ABCD3: variants seen among roughly 807,000 people sequenced by gnomAD.
The protein encoded by ABCD3 is ATP-binding cassette sub-family D member 3.
In ABCD3, 41 loss-of-function variants were observed where a neutral mutation model predicts 105.5. That is an observed-to-expected ratio of 0.39 (90% CI 0.30 to 0.50). The LOEUF (loss-of-function observed/expected upper bound fraction) is 0.50, where lower values mean the gene tolerates loss of function less well. ABCD3 is among the 20% of genes least tolerant of loss of function. The pLI, the probability that ABCD3 is intolerant of heterozygous loss-of-function variation, is 0.84. For synonymous variants in ABCD3, 258 were observed against 269.0 expected (o/e 0.96, Z 0.40); for missense variants, 622 against 806.3 (o/e 0.77, Z 2.77).
At chr1:94,439,038 A>G (rs1453877799) in intron 1 of ABCD3, among the ~76,000 whole-genome samples, 1 of 152,178 alleles carries the variant, frequency 6.6e-6, no homozygotes, top group African/African-American at 2.4e-5. Flanking sequence ...TTTTTAGGTC[A>G]CTGGCTTTAT....
chr1:94,466,114 C>T (rs370729593), intron 3 of ABCD3, among the ~76,000 whole-genome samples: 2 of 152,128 alleles, frequency 1.3e-5, no homozygotes, highest in Admixed American at 6.5e-5. Flanking sequence ...AGAGGTAATA[C>T]ATGTTCCTTG....
In ABCD3 at chr1:94,418,606, C is replaced by T. The variant is rs1659120057; in HGVS notation, c.110+18C>T. The T allele has an allele frequency of 7.0e-6, 11 of 1,579,948 alleles. No individual in the cohort carries two copies. Among genetic ancestry groups the T allele is most frequent in the Admixed American group, 1.7e-5 (1 of 57,408 alleles). On this transcript the variant is annotated intron_variant, in intron 1 of 22. Coordinates refer to ENST00000370214, the MANE Select transcript of ABCD3 (RefSeq NM_002858.4). ...CTGCACGGGTAAGAAGGCCCGTAGC[C>T]GTGCAGCTTTCCCGGGCTGGAGCGG...
At chr1:94,458,171 A>G (rs1048548892) in intron 1 of ABCD3, among the ~76,000 whole-genome samples, 5 of 152,214 alleles carry the variant, frequency 3.3e-5, no homozygotes, top group African/African-American at 4.8e-5. Context: ...AGACTAGCCT[A>G]GGATTGCTCA....
At chr1:94,401,816 T>C in the ABCD3 span, among the ~76,000 whole-genome samples, 1 of 152,216 alleles carries the variant, frequency 6.6e-6, no homozygotes, top group Admixed American at 6.5e-5. Flanking sequence ...TCTTTGGGAT[T>C]ATGATTTACA....
At chr1:94,409,556 T>C in the ABCD3 span, among the ~76,000 whole-genome samples, 1 of 152,260 alleles carries the variant, frequency 6.6e-6, no homozygotes, top group Non-Finnish European at 1.5e-5. Context: ...CTGAAATTTA[T>C]AATTACCATA....
chr1:94,429,835 T>G (rs1659606055), intron 1 of ABCD3, among the ~76,000 whole-genome samples: 1 of 152,228 alleles, frequency 6.6e-6, no homozygotes, highest in South Asian at 2.1e-4. Context: ...ACAGAATCCC[T>G]GCTGGGGCAC....
intron 2 of ABCD3, among the ~76,000 whole-genome samples, chr1:94,461,593 C>T (rs1321697639): frequency 6.6e-6 from 1 of 151,896 alleles, no homozygotes. Flanking sequence ...ATTTTTAGGT[C>T]ACTTCATGTT....
intron 1 of ABCD3, among the ~76,000 whole-genome samples, chr1:94,436,667 T>C (rs1659912892): frequency 6.6e-6 from 1 of 152,238 alleles, no homozygotes; most frequent in Non-Finnish European, 1.5e-5. Context: ...CATGTCTCTG[T>C]ATCATATTAT....
intron 1 of ABCD3, among the ~76,000 whole-genome samples, chr1:94,435,493 T>C (rs1328046763): frequency 6.6e-6 from 1 of 152,214 alleles, no homozygotes; most frequent in Non-Finnish European, 1.5e-5. Context: ...GATGGCACCA[T>C]GCATTCCAGC....
At chr1:94,502,967 C>T (rs550402619) in intron 20 of ABCD3, among the ~76,000 whole-genome samples, 2 of 152,176 alleles carry the variant, frequency 1.3e-5, no homozygotes, top group African/African-American at 2.4e-5. Flanking sequence ...CTGTGGCTCA[C>T]GGACACATGC....
chr1:94,508,341 A>G (rs1557692661), intron 21 of ABCD3, among the ~76,000 whole-genome samples: 1 of 152,040 alleles, frequency 6.6e-6, no homozygotes, highest in African/African-American at 2.4e-5. Context: ...GTTCTGTTCC[A>G]TTGATCTATA....
At position 94,487,992 on chromosome 1, in the gene ABCD3, A is replaced by G; in HGVS notation, c.1157+9A>G. On this transcript the variant is annotated intron_variant, in intron 13 of 22. Coordinates refer to ENST00000370214, the MANE Select transcript of ABCD3 (RefSeq NM_002858.4). The stretch of plus-strand genomic sequence containing the variant: ...ATGACTAGATTGGCCGGGTAAGATT[A>G]GTAATAATGAGCTGTTGCAGAAAAT... The G allele has an allele frequency of 6.3e-7, 1 of 1,591,386 alleles. No homozygotes were observed. Among genetic ancestry groups the G allele is most frequent in the South Asian group, 1.1e-5 (1 of 90,300 alleles).
intron 1 of ABCD3, among the ~76,000 whole-genome samples, chr1:94,428,574 A>G (rs567796669): frequency 6.6e-6 from 1 of 152,226 alleles, no homozygotes; most frequent in South Asian, 2.1e-4. Context: ...GTGGGAGGTA[A>G]TTGAATCATG....
intron 9 of ABCD3, chr1:94,481,459 G>A (rs982897507): frequency 6.6e-6 from 1 of 152,232 alleles, no homozygotes; most frequent in Non-Finnish European, 1.5e-5. Flanking sequence ...AATGAAAGAT[G>A]CCTTTTAGTG....
intron 1 of ABCD3, among the ~76,000 whole-genome samples, chr1:94,444,330 TC>T (rs1660256783): frequency 5.2e-5 from 2 of 38,252 alleles, no homozygotes; most frequent in African/African-American, 1.3e-4. Context: ...AGACTCCATC[TC>T]AAAAAAAAAA....
chr1:94,467,729 T>C (rs1275201375), intron 3 of ABCD3, among the ~76,000 whole-genome samples, 190 bp from the exon 4 acceptor site: 1 of 152,198 alleles, frequency 6.6e-6, no homozygotes, highest in Non-Finnish European at 1.5e-5. Context: ...TGAGGCTTTT[T>C]TCATTTATAT....
intron 8 of ABCD3, chr1:94,480,236 G>A (rs1648971026): frequency 1.8e-6 from 1 of 565,980 alleles, no homozygotes; most frequent in Non-Finnish European, 3.1e-6. Flanking sequence ...CAAAATGTAG[G>A]AGAGCTGAGG....
chr1:94,438,283 CACACACACACACACACAT>C (rs1370110172), intron 1 of ABCD3, among the ~76,000 whole-genome samples: 1 of 49,144 alleles, frequency 2.0e-5, no homozygotes, highest in Non-Finnish European at 5.9e-5. Context: ...AAGACTCCAT[CACACACACACACACACAT>C]ACACACACAC....
chr1:94,423,468 C>T (rs543699917), intron 1 of ABCD3, among the ~76,000 whole-genome samples: 1 of 152,280 alleles, frequency 6.6e-6, no homozygotes, highest in South Asian at 2.1e-4. Flanking sequence ...CTTTTAGTGA[C>T]ATCTTACTTC....
Sources: allele counts gnomAD v4.1 joint callset (sites outside exome capture counted in the v4.1 genomes callset), GRCh38; gene constraint gnomAD v4.1.1; transcripts MANE v1.5; gene names NCBI Gene and HGNC (gene_info 2026-07-23, HGNC 2026-07-21).